The following DIS3L variants were observed in gnomAD, a reference collection of about 807,000 sequenced individuals.
DIS3L encodes the protein DIS3 like exosome 3'-5' exoribonuclease.
Under a neutral mutation model 120.3 loss-of-function variants are expected in DIS3L, and 100 were observed. The ratio of observed to expected loss-of-function variants is 0.83; its 90% CI spans 0.71 to 0.98. DIS3L has a LOEUF of 0.98. Among genes scored for constraint, DIS3L ranks in the 50% least tolerant of loss-of-function variants. The pLI, the probability that DIS3L is intolerant of heterozygous loss-of-function variation, is 0.00. For missense variants in DIS3L, 1,196 were observed against 1,314.2 expected, an observed-to-expected ratio of 0.91 and a Z score of 1.39; for synonymous variants, 426 against 470.6, an observed-to-expected ratio of 0.91 and a Z score of 1.23.
intron 14 of DIS3L, 40 bp downstream of exon 14, chr15:66,329,439 T>C (rs1419604502): frequency 6.4e-7 from 1 of 1,572,730 alleles, no homozygotes; most frequent in African/African-American, 1.4e-5. Context: ...TGTCATCTCT[T>C]GCTAAGAAAA....
intron 2 of DIS3L, among the ~76,000 whole-genome samples, chr15:66,304,900 CAAAA>C (rs796324536): frequency 4.0e-3 from 226 of 56,340 alleles, no homozygotes; most frequent in African/African-American, 0.013. Flanking sequence ...GACTCCGTCT[CAAAA>C]AAAAAAAAAA....
At chr15:66,300,351 A>G (rs374207189) in intron 2 of DIS3L, among the ~76,000 whole-genome samples, 2 of 152,372 alleles carry the variant, frequency 1.3e-5, no homozygotes, top group African/African-American at 4.8e-5. Flanking sequence ...AGGTATATCA[A>G]TAGCAACAGA....
rs2092908329 is a variant in DIS3L, at chr15:66,323,582, A to G, written c.1664A>G (p.Asp555Gly). The change falls in exon 11 of 17, where the codon GAT becomes GGT. Residue 555 changes from aspartate to glycine, a missense_variant. Physicochemically the swap from Asp to Gly is moderately conservative, Grantham distance 94. Coordinates refer to ENST00000319212, the MANE Select transcript of DIS3L (RefSeq NM_001143688.3). ...ADLCSLLGGV[D>G]RYAVSIMWEL... ...TTGTGTTCCCTTCTGGGAGGCGTTGATAGGTGAGTTTATGGCTTTTGTCTT... is the reference window on the plus strand; with the variant it reads ...TTGTGTTCCCTTCTGGGAGGCGTTGGTAGGTGAGTTTATGGCTTTTGTCTT... The G allele has an allele frequency of 5.0e-6, 8 of 1,614,062 alleles. No individual in the cohort carries two copies. Among genetic ancestry groups the G allele is most frequent in the Non-Finnish European group, 5.9e-6 (7 of 1,180,018 alleles).
At chr15:66,330,984 G>A (rs987710541) in intron 14 of DIS3L, among the ~76,000 whole-genome samples, 10 of 151,922 alleles carry the variant, frequency 6.6e-5, no homozygotes, top group Non-Finnish European at 7.4e-5. Flanking sequence ...GTGAAACCCC[G>A]TTACTACTAA....
At chr15:66,319,803 C>A (rs1445019553) in intron 8 of DIS3L, among the ~76,000 whole-genome samples, 3 of 151,996 alleles carry the variant, frequency 2.0e-5, no homozygotes, top group Non-Finnish European at 4.4e-5. Context: ...TTCTTCTCCA[C>A]CAAAGACCAT....
At chr15:66,299,609 G>A (rs1286294422) in intron 2 of DIS3L, among the ~76,000 whole-genome samples, 3 of 151,852 alleles carry the variant, frequency 2.0e-5, no homozygotes, top group African/African-American at 7.2e-5. Flanking sequence ...AAGAAGGGAG[G>A]AGGCTTTTGC....
chr15:66,326,441 G>A (rs931812365), intron 12 of DIS3L, 77 bp downstream of exon 12: 2 of 1,452,666 alleles, frequency 1.4e-6, no homozygotes, highest in East Asian at 2.3e-5. Flanking sequence ...TTCTTAAAAT[G>A]TGACAGCCAG....
At chr15:66,304,627 G>T (rs745514782) in intron 2 of DIS3L, among the ~76,000 whole-genome samples, 1 of 152,114 alleles carries the variant, frequency 6.6e-6, no homozygotes, top group Non-Finnish European at 1.5e-5. Context: ...ATGGCCGGGC[G>T]TGACGGCTTA....
Position 66,312,432 on chromosome 15 carries a change from T to G in DIS3L, c.735+532T>G, listed in dbSNP as rs527885810. On this transcript the variant is annotated intron_variant, in intron 5 of 16. Coordinates refer to ENST00000319212, the MANE Select transcript of DIS3L (RefSeq NM_001143688.3). ...ATGATGTCCTTAATTCTGTTACATA[T>G]TGAACATCATACAAGCAGACTGTGG... Among the ~76,000 whole-genome samples, 5 of 152,258 alleles carry G rather than the reference T, an allele frequency of 3.3e-5. No individual in the cohort carries two copies. In the East Asian group the frequency reaches 9.7e-4, roughly 29 times the overall value.
At chr15:66,323,940 CG>C (rs1413729049) in intron 11 of DIS3L, among the ~76,000 whole-genome samples, 1 of 152,096 alleles carries the variant, frequency 6.6e-6, no homozygotes, top group Non-Finnish European at 1.5e-5. Flanking sequence ...ATCATGAACT[CG>C]GGGAGTTTTT....
Position 66,329,186 on chromosome 15 carries a change from T to G in DIS3L, c.2357-35T>G, listed in dbSNP as rs749456202. 6 of 1,586,522 alleles carry G rather than the reference T, an allele frequency of 3.8e-6. No homozygotes were observed. In the Admixed American group the frequency reaches 1.1e-4, roughly 29 times the overall value. Reference sequence around the variant, plus strand: ...TTGCGCTAGTTATTTTAAAATAGTTTTTGTTTATTTTGATCTTTTGCTTTC... The same window carrying G: ...TTGCGCTAGTTATTTTAAAATAGTTGTTGTTTATTTTGATCTTTTGCTTTC... On this transcript the variant is annotated intron_variant, in intron 13 of 16. Transcript: ENST00000319212.
Position 66,332,844 on chromosome 15 carries a change from A to G in DIS3L, c.2790A>G (p.Gln930=). ...EWKPGSLQRF[Q]NKITSTTTDG... Reference sequence around the variant, plus strand: ...AACCAGGATCCCTTCAACGATTTCAAAACAAAATTACCTCTACTACAACAG... The same window carrying G: ...AACCAGGATCCCTTCAACGATTTCAGAACAAAATTACCTCTACTACAACAG... The change falls in exon 16 of 17, where the codon CAA becomes CAG. Residue 930 remains glutamine (Q), a synonymous_variant. Coordinates refer to ENST00000319212, the MANE Select transcript of DIS3L (RefSeq NM_001143688.3). 6.2e-7 allele frequency: 1 copy of G among 1,614,054 alleles called. No individual in the cohort carries two copies. The highest frequency in any genetic ancestry group is 1.3e-5 in the African/African-American group (1 of 75,058).
intron 11 of DIS3L, among the ~76,000 whole-genome samples, chr15:66,325,619 C>T (rs1032524617): frequency 6.6e-6 from 1 of 151,992 alleles, no homozygotes; most frequent in Non-Finnish European, 1.5e-5. Flanking sequence ...AAATAGAAGA[C>T]TTAGGTGGGG....
At chr15:66,318,982 G>T (rs971847112) in intron 8 of DIS3L, among the ~76,000 whole-genome samples, 1 of 152,070 alleles carries the variant, frequency 6.6e-6, no homozygotes, top group Non-Finnish European at 1.5e-5. Flanking sequence ...TAGTAGAGAT[G>T]GGGTTTCACT....
At chr15:66,329,669 G>A in intron 14 of DIS3L, 1 of 1,093,840 alleles carries the variant, frequency 9.1e-7, no homozygotes, top group Non-Finnish European at 1.1e-6. Flanking sequence ...GGCCAGACGT[G>A]GTGGCTCACT....
At chr15:66,298,047 C>T (rs562204795) in intron 2 of DIS3L, among the ~76,000 whole-genome samples, 9 of 152,036 alleles carry the variant, frequency 5.9e-5, no homozygotes, top group Admixed American at 3.9e-4. Flanking sequence ...GATGACGTGG[C>T]GCATGCCAGT....
At chr15:66,300,992 A>G (rs1016434921) in intron 2 of DIS3L, among the ~76,000 whole-genome samples, 18 of 152,250 alleles carry the variant, frequency 1.2e-4, no homozygotes, top group African/African-American at 3.4e-4. Context: ...TGCAAAATCC[A>G]GGTGATGAAA....
rs374752213 is a variant in DIS3L at position 66,325,873 on chromosome 15, T to C, written c.1710T>C (p.Tyr570=). Residue 570 remains tyrosine, a synonymous_variant, in exon 12 of 17, where the codon TAT becomes TAC. Coordinates refer to ENST00000319212, the MANE Select transcript of DIS3L (RefSeq NM_001143688.3). ...TGTGGGAACTGGATAAAGCCTCTTA[T>C]GAAATTAAGAAAGTGTGGTATGGCA... ...SIMWELDKAS[Y]EIKKVWYGRT... is the part of the protein sequence containing the mutation. 43 of 1,612,946 alleles carry C rather than the reference T, an allele frequency of 2.7e-5. No homozygotes were observed. The highest frequency in any genetic ancestry group is 1.7e-4 in the Admixed American group (10 of 59,972).
chr15:66,311,670 G>A (rs1203620078), intron 4 of DIS3L, 54 bp from the exon 5 acceptor site: 2 of 1,600,418 alleles, frequency 1.2e-6, no homozygotes, highest in Non-Finnish European at 1.7e-6. Flanking sequence ...ATAGTACCAT[G>A]GTGAAGAATC....
Sources: gnomAD v4.1 joint callset for allele counts (sites outside exome capture counted in the v4.1 genomes callset) on GRCh38, gnomAD v4.1.1 for gene constraint, MANE v1.5 for transcripts, NCBI Gene and HGNC (gene_info 2026-07-23, HGNC 2026-07-21) for gene names.